SMG7: variants seen among roughly 807,000 people sequenced by gnomAD.
SMG7 encodes nonsense-mediated mRNA decay factor SMG7.
SMG7 carries 34 observed loss-of-function variants against 148.2 expected under a neutral mutation model. The observed-to-expected ratio is 0.23, with a 90% CI of 0.17 to 0.31. SMG7 has a LOEUF of 0.31. SMG7 is among the 10% of genes least tolerant of loss of function. The probability of loss-of-function intolerance (pLI) is 1.00; values close to 1 mark genes in which losing one functional copy is unlikely to be tolerated. For synonymous variants in SMG7, 492 were observed against 515.1 expected (o/e 0.96, Z 0.61); for missense variants, 1,114 against 1,408.4 (o/e 0.79, Z 3.35).
At chr1:183,472,962 C>T (rs10911339) in intron 1 of SMG7, 117,522 of 341,884 alleles carry the variant, frequency 0.34, 22,663 homozygotes, top group East Asian at 0.55. Context: ...GAGAAACGTC[C>T]GGGGAGGCGG....
intron 11 of SMG7, 84 bp downstream of exon 11, chr1:183,537,299 G>T (rs1449712491): frequency 4.2e-6 from 4 of 953,950 alleles, no homozygotes; most frequent in Middle Eastern, 2.1e-4. Flanking sequence ...GAGGTTTTTG[G>T]TGATGAATGA....
chr1:183,482,201 T>G (rs1468517851), intron 1 of SMG7, among the ~76,000 whole-genome samples: 1 of 151,952 alleles, frequency 6.6e-6, no homozygotes, highest in African/African-American at 2.4e-5. Context: ...TTAGTCCATA[T>G]CTCATTCTGC....
intron 4 of SMG7, among the ~76,000 whole-genome samples, chr1:183,523,990 G>T (rs1400177003): frequency 3.4e-5 from 5 of 148,930 alleles, no homozygotes; most frequent in African/African-American, 9.9e-5. Flanking sequence ...TTTTGTTCCT[G>T]CCCTGTGCCT....
chr1:183,519,200 G>T (rs940636318), intron 4 of SMG7, among the ~76,000 whole-genome samples: 1 of 152,046 alleles, frequency 6.6e-6, no homozygotes, highest in Non-Finnish European at 1.5e-5. Context: ...TCAAAAAAAA[G>T]AATCCCTGTG....
chr1:183,528,740 T>C, intron 6 of SMG7, 152 bp from the exon 7 acceptor site: 1 of 648,194 alleles, frequency 1.5e-6, no homozygotes, highest in East Asian at 2.6e-5. Flanking sequence ...AGTGTGCTGT[T>C]GGACCTTACG....
At chr1:183,521,858 CAAAAA>C (rs35144368) in intron 4 of SMG7, among the ~76,000 whole-genome samples, 3 of 129,212 alleles carry the variant, frequency 2.3e-5, no homozygotes, top group African/African-American at 8.5e-5. Flanking sequence ...GACCTTGTCT[CAAAAA>C]AAAAAAAAAA....
chr1:183,552,213 A>G lies in SMG7; in HGVS notation c.*282A>G, dbSNP rs1671185449. ...CAGTTACTTGGTATCACCGCCTCTC[A>G]CCTTCTCCATCGTGCATGTCCCCAG... On this transcript the variant is annotated 3_prime_UTR_variant, in exon 23 of 23. Transcript: ENST00000688051. The G allele has an allele frequency of 9.3e-7, 1 of 1,078,404 alleles. No homozygotes were observed. The highest frequency in any genetic ancestry group is 4.1e-5 in the South Asian group (1 of 24,604). 66.8% of individuals were successfully genotyped at this position (1,078,404 alleles called of 1,614,324 possible). A position where few individuals can be genotyped will look rare whatever the true frequency, so the allele number is the denominator to read the frequency against.
chr1:183,513,243 A>G (rs1662594974), intron 2 of SMG7: 3 of 168,224 alleles, frequency 1.8e-5, no homozygotes, highest in African/African-American at 7.1e-5. Context: ...TTTTTTTTCT[A>G]TTAATAATTA....
Position 183,529,030 on chromosome 1 carries a change from A to G in SMG7, c.695A>G (p.Lys232Arg). ...ACTAATCTGCAAAAAGCACTTTCTA[A>G]AGCACTGGAAAGGTAGGGTTGTTTG... ...ASTNLQKALS[K>R]ALESRDEVKT... is the part of the protein sequence containing the mutation. The change falls in exon 7 of 23, where the codon AAA (lysine) becomes AGA (arginine). Residue 232 changes from lysine to arginine, a missense_variant. Lys to Arg is a conservative substitution (Grantham distance 26). Around this residue, in one of 4 missense-constraint regions of SMG7, gnomAD observed 216 missense variants for 329.1 expected, o/e 0.66. Coordinates refer to ENST00000688051, the MANE Select transcript of SMG7 (RefSeq NM_001375584.1). The G allele has an allele frequency of 6.2e-7, 1 of 1,610,422 alleles. No individual in the cohort carries two copies. The highest frequency in any genetic ancestry group is 8.5e-7 in the Non-Finnish European group (1 of 1,178,704).
chr1:183,553,214 ATATT>A lies in SMG7; in HGVS notation c.*1288_*1291del. ...GAAAGGAAAATAAACTCTTTGTATG[ATATT>A]TATTAGGAGGAAAGAGGACTGAAAA... On this transcript the variant is annotated 3_prime_UTR_variant, in exon 23 of 23. Transcript: ENST00000688051. 2 of 1,527,122 alleles carry A rather than the reference ATATT, an allele frequency of 1.3e-6. No homozygotes were observed. The highest frequency in any genetic ancestry group is 1.8e-6 in the Non-Finnish European group (2 of 1,139,472). 94.6% of individuals were successfully genotyped at this position (1,527,122 alleles called of 1,614,324 possible).
At chr1:183,550,674 A>G in intron 20 of SMG7, 77 bp from the exon 21 acceptor site, 2 of 1,418,648 alleles carry the variant, frequency 1.4e-6, no homozygotes, top group Non-Finnish European at 2.0e-6. Context: ...TAGTGATCAG[A>G]TCTACAGGAA....
chr1:183,513,119 T>C (rs1662564251), intron 2 of SMG7: 1 of 388,124 alleles, frequency 2.6e-6, no homozygotes, highest in South Asian at 9.6e-5. Flanking sequence ...GTTTATATAA[T>C]CACTTAATTT....
intron 1 of SMG7, among the ~76,000 whole-genome samples, chr1:183,490,424 T>C (rs1298399810): frequency 6.6e-6 from 1 of 152,190 alleles, no homozygotes; most frequent in Non-Finnish European, 1.5e-5. Flanking sequence ...CCTGTGGACA[T>C]TTTCTATGCA....
At chr1:183,543,807 G>A (rs116142554) in intron 14 of SMG7, among the ~76,000 whole-genome samples, 1,943 of 152,242 alleles carry the variant, frequency 0.013, 45 homozygotes, top group African/African-American at 0.044. Flanking sequence ...CTCAGGGCCT[G>A]TTCCTTACTG....
chr1:183,550,875 T>A lies in SMG7; in HGVS notation c.3258T>A (p.Asp1086Glu), dbSNP rs1252700919. The A allele has an allele frequency of 1.2e-6, 2 of 1,614,130 alleles. No individual in the cohort carries two copies. The highest frequency in any genetic ancestry group is 2.2e-5 in the South Asian group (2 of 91,086). The change falls in exon 21 of 23, where the codon GAT becomes GAA. Residue 1086 changes from aspartate to glutamate, a missense_variant. Physicochemically the swap from Asp to Glu is conservative, Grantham distance 45 (BLOSUM62 2). This residue lies in a region of SMG7 where 788 missense variants were observed against 894.5 expected (regional missense o/e 0.88). Transcript: ENST00000688051. ...ATTTTGGACCCATTGGGACTCCAGATAACAGGGATAGAAGGACTGCAGATC... is the reference window on the plus strand; with the variant it reads ...ATTTTGGACCCATTGGGACTCCAGAAAACAGGGATAGAAGGACTGCAGATC... ...FSNFGPIGTP[D>E]NRDRRTADRW...
Position 183,512,770 on chromosome 1 carries a change from A to G in SMG7, c.30-67A>G. 5 of 1,385,136 alleles carry G rather than the reference A, an allele frequency of 3.6e-6. No homozygotes were observed. The South Asian group carries it at 4.0e-5, about 11-fold the overall frequency. The allele number at this position is 1,385,136 out of a possible 1,614,324, so 85.8% of individuals were successfully genotyped here. On this transcript the variant is annotated intron_variant, in intron 1 of 22. Coordinates refer to ENST00000688051, the MANE Select transcript of SMG7 (RefSeq NM_001375584.1). Reference sequence around the variant, plus strand: ...TTTCACCTAACTTTTAGTGTTATTTATATGTTAGTTAGGCCTCGTTTGTTT... The same window carrying G: ...TTTCACCTAACTTTTAGTGTTATTTGTATGTTAGTTAGGCCTCGTTTGTTT...
intron 4 of SMG7, among the ~76,000 whole-genome samples, chr1:183,519,919 A>G (rs1664396034): frequency 1.3e-5 from 2 of 152,066 alleles, no homozygotes; most frequent in African/African-American, 4.8e-5. Flanking sequence ...TGTTGACACC[A>G]TTTTGTCGTT....
rs1056303414 is a variant in SMG7, at chr1:183,475,387, A to G, written c.29+2738A>G. On this transcript the variant is annotated intron_variant, in intron 1 of 22. Coordinates refer to ENST00000688051, the MANE Select transcript of SMG7 (RefSeq NM_001375584.1). Reference sequence around the variant, plus strand: ...GTGGTCGGGGAAATCCTATTTGATAAGGTGACCATATTTAAGAGGATCCTG... The same window carrying G: ...GTGGTCGGGGAAATCCTATTTGATAGGGTGACCATATTTAAGAGGATCCTG... Among the ~76,000 whole-genome samples, 3 of 152,228 alleles carry G rather than the reference A, an allele frequency of 2.0e-5. No homozygotes were observed. In the South Asian group the frequency reaches 6.2e-4, roughly 32 times the overall value.
At position 183,551,299 on chromosome 1, in the gene SMG7, A is replaced by G. The variant is rs992713388; in HGVS notation, c.3450+109A>G. 6.1e-6 allele frequency: 6 copies of G among 989,596 alleles called. No individual in the cohort carries two copies. In the African/African-American group the frequency reaches 8.2e-5, roughly 14 times the overall value. The allele number at this position is 989,596 out of a possible 1,614,324, so 61.3% of individuals were successfully genotyped here. On this transcript the variant is annotated intron_variant, in intron 22 of 22. Transcript: ENST00000688051. ...TCAGGCCCTCGGAGTTGACTGATACATAGCACATATATAACAAAGTCCTAG... is the reference window on the plus strand; with the variant it reads ...TCAGGCCCTCGGAGTTGACTGATACGTAGCACATATATAACAAAGTCCTAG...
Sources: gnomAD v4.1 joint callset for allele counts (sites outside exome capture counted in the v4.1 genomes callset) on GRCh38, gnomAD v4.1.1 for gene constraint, gnomAD v4.1.1 regional missense constraint, MANE v1.5 for transcripts, NCBI Gene and HGNC (gene_info 2026-07-23, HGNC 2026-07-21) for gene names.